PDK1: variants seen among roughly 807,000 people sequenced by gnomAD.
PDK1 encodes [Pyruvate dehydrogenase (acetyl-transferring)] kinase isozyme 1, mitochondrial.
Under a neutral mutation model 54.2 loss-of-function variants are expected in PDK1, and 39 were observed. The observed-to-expected ratio is 0.72, with a 90% confidence interval of 0.56 to 0.94. The LOEUF is 0.94. PDK1 is among the 40% of genes least tolerant of loss of function. PDK1 has a pLI of 0.00. For synonymous variants in PDK1, 221 were observed against 207.1 expected (o/e 1.07, Z -0.58); for missense variants, 552 against 566.0 (o/e 0.98, Z 0.25).
At chr2:172,570,135 A>G (rs1010368138) in intron 7 of PDK1, among the ~76,000 whole-genome samples, 5 of 152,286 alleles carry the variant, frequency 3.3e-5, no homozygotes, top group South Asian at 2.1e-4. Context: ...TCTAGTTTAT[A>G]TCATTTTCTA....
At chr2:172,584,050 G>C (rs1053732297) in intron 8 of PDK1, among the ~76,000 whole-genome samples, 1 of 152,134 alleles carries the variant, frequency 6.6e-6, no homozygotes, top group African/African-American at 2.4e-5. Context: ...AATTTGATTT[G>C]CCATACTGTT....
the PDK1 span, among the ~76,000 whole-genome samples, chr2:172,708,036 C>G: frequency 1.3e-5 from 2 of 152,124 alleles, no homozygotes; most frequent in African/African-American, 4.8e-5. Context: ...GGCGTGGTGG[C>G]TCACACCTGT....
intron 10 of PDK1, among the ~76,000 whole-genome samples, chr2:172,594,064 C>T (rs1212359293): frequency 1.4e-5 from 2 of 141,644 alleles, no homozygotes; most frequent in African/African-American, 5.4e-5. Flanking sequence ...GAGACGGAGT[C>T]TTGCTCTGTG....
the PDK1 span, among the ~76,000 whole-genome samples, chr2:172,688,080 C>T: frequency 1.3e-5 from 2 of 152,220 alleles, no homozygotes; most frequent in Non-Finnish European, 2.9e-5. Context: ...TGCTTTCACC[C>T]TTGGTTTCCA....
At chr2:172,618,234 C>T in the PDK1 span, among the ~76,000 whole-genome samples, 1 of 152,092 alleles carries the variant, frequency 6.6e-6, no homozygotes, top group African/African-American at 2.4e-5. Context: ...TGGCTTAGGA[C>T]CCTGAAGTCA....
At chr2:172,585,046 G>A (rs1366397733) in intron 8 of PDK1, among the ~76,000 whole-genome samples, 1 of 151,762 alleles carries the variant, frequency 6.6e-6, no homozygotes, top group Non-Finnish European at 1.5e-5. Flanking sequence ...ACTCAGGCTG[G>A]AGTACAGTGG....
rs955475774 is a variant in PDK1, at chr2:172,592,436, A to G, written c.1057-499A>G. Among the ~76,000 whole-genome samples, 3 of 141,944 alleles carry G rather than the reference A, an allele frequency of 2.1e-5. No homozygotes were observed. In the South Asian group the frequency reaches 7.2e-4, roughly 34 times the overall value. The allele number at this position is 141,944 out of a possible 152,430, so 93.1% of individuals were successfully genotyped here. ...CTGTCTCTTCCTCTCTCTGTCTCTG[A>G]CTTTGTCTCTTTCTTTCTTTCTCTC... On this transcript the variant is annotated intron_variant, in intron 9 of 10. Transcript: ENST00000282077.
rs1691111583 is a variant in PDK1 at position 172,601,412 on chromosome 2, A to G, written c.*5443A>G. Reference sequence around the variant, plus strand: ...TCTCATCTTGAATTATAATCTCAACATGTTAAGGGAGAGACCAGATGAAAG... The same window carrying G: ...TCTCATCTTGAATTATAATCTCAACGTGTTAAGGGAGAGACCAGATGAAAG... On this transcript the variant is annotated 3_prime_UTR_variant, in exon 11 of 11. Coordinates refer to ENST00000282077, the MANE Select transcript of PDK1 (RefSeq NM_002610.5). 1 of 152,280 alleles carries G rather than the reference A, an allele frequency of 6.6e-6. No homozygotes were observed. The highest frequency in any genetic ancestry group is 1.5e-5 in the Non-Finnish European group (1 of 68,020). The allele number at this position is 152,280 out of a possible 1,614,324, so 9.4% of individuals were successfully genotyped here.
At chr2:172,585,069 T>G (rs1308095414) in intron 8 of PDK1, among the ~76,000 whole-genome samples, 1 of 152,024 alleles carries the variant, frequency 6.6e-6, no homozygotes, top group African/African-American at 2.4e-5. Flanking sequence ...CCATCATACC[T>G]CACTATAGCC....
chr2:172,683,890 C>G, the PDK1 span, among the ~76,000 whole-genome samples: 2 of 152,050 alleles, frequency 1.3e-5, no homozygotes, highest in Non-Finnish European at 2.9e-5. Flanking sequence ...GGCCTGCAGC[C>G]CAGAGGAAGA....
chr2:172,585,439 C>T (rs1298110230), intron 8 of PDK1, among the ~76,000 whole-genome samples: 1 of 146,462 alleles, frequency 6.8e-6, no homozygotes, highest in African/African-American at 2.6e-5. Flanking sequence ...AATTGTTCTG[C>T]CTCAGCCTCC....
At position 172,566,909 on chromosome 2, in the gene PDK1, G is replaced by A. The variant is rs756942072; in HGVS notation, c.745G>A (p.Glu249Lys). ...TGATTTGTATTATATTAACTCTCCC[G>A]AACTAGAACTTGAAGAACTAAATGG... ...LCDLYYINSPELELEELNAKS... is the reference protein window; with the variant it reads ...LCDLYYINSPKLELEELNAKS... Residue 249 changes from glutamate (E) to lysine (K), a missense_variant, in exon 6 of 11, where the codon GAA becomes AAA. Physicochemically the swap from Glu to Lys is moderately conservative, Grantham distance 56. Transcript: ENST00000282077. 48 of 1,608,320 alleles carry A rather than the reference G, an allele frequency of 3.0e-5. 1 individual carries two copies. The South Asian group carries it at 5.1e-4, about 17-fold the overall frequency.
At chr2:172,695,603 G>A in the PDK1 span, among the ~76,000 whole-genome samples, 1 of 152,108 alleles carries the variant, frequency 6.6e-6, no homozygotes, top group Non-Finnish European at 1.5e-5. Context: ...AATAGTATAT[G>A]GCAAAGGTGA....
rs1691244060 is a variant in PDK1, at chr2:172,605,140, C to A, written c.*9171C>A. ...TATATTACTCTCCTTGGCATCTTAC[C>A]CCAGCCCATCCATTGGGTTGTGTCA... On this transcript the variant is annotated 3_prime_UTR_variant, in exon 11 of 11. Transcript: ENST00000282077. The A allele has an allele frequency of 6.6e-6, 1 of 152,084 alleles. No homozygotes were observed. The highest frequency in any genetic ancestry group is 6.6e-5 in the Admixed American group (1 of 15,256). The allele number at this position is 152,084 out of a possible 1,614,324, so 9.4% of individuals were successfully genotyped here. A position where few individuals can be genotyped will look rare whatever the true frequency, so the allele number is the denominator to read the frequency against.
At chr2:172,562,416 G>A (rs1483112545) in intron 3 of PDK1, 125 bp downstream of exon 3, 3 of 676,946 alleles carry the variant, frequency 4.4e-6, no homozygotes, top group Non-Finnish European at 7.9e-6. Context: ...GCCCATACAG[G>A]CAGGACAAAT....
At chr2:172,621,758 T>TCATATATGTCATATATGTTTATATCG in the PDK1 span, among the ~76,000 whole-genome samples, 949 of 144,586 alleles carry the variant, frequency 6.6e-3, 23 homozygotes, top group South Asian at 8.4e-3. Flanking sequence ...TGTTTATATC[T>TCATATATGTCATATATGTTTATATCG]CATATATGTC....
chr2:172,622,582 T>C, the PDK1 span, among the ~76,000 whole-genome samples: 1 of 148,408 alleles, frequency 6.7e-6, no homozygotes, highest in African/African-American at 2.4e-5. Context: ...TCATATATTA[T>C]GTGAGATGTT....
chr2:172,652,575 G>T, the PDK1 span, among the ~76,000 whole-genome samples: 1 of 152,138 alleles, frequency 6.6e-6, no homozygotes, highest in Non-Finnish European at 1.5e-5. Context: ...AAACCTCATC[G>T]TCTCAACCCA....
the PDK1 span, among the ~76,000 whole-genome samples, chr2:172,668,315 A>T: frequency 2.0e-5 from 3 of 151,058 alleles, no homozygotes. Flanking sequence ...AAAGTTTAAG[A>T]GACCCAAAAC....
Sources: allele counts gnomAD v4.1 joint callset (sites outside exome capture counted in the v4.1 genomes callset), GRCh38; gene constraint gnomAD v4.1.1; transcripts MANE v1.5; gene names NCBI Gene and HGNC (gene_info 2026-07-23, HGNC 2026-07-21).